The following CUBN variants were observed in gnomAD, a reference collection of about 807,000 sequenced individuals.
CUBN encodes cubilin.
Under a neutral mutation model 405.3 loss-of-function variants are expected in CUBN, and 282 were observed. The observed-to-expected ratio is 0.70, with a 90% CI of 0.63 to 0.77. The LOEUF (loss-of-function observed/expected upper bound fraction) is 0.77. Among genes scored for constraint, CUBN ranks in the 30% least tolerant of loss-of-function variants. The probability of loss-of-function intolerance (pLI) is 0.00; values close to 1 mark genes in which losing one functional copy is unlikely to be tolerated. For missense variants in CUBN, 4,514 were observed against 4,475.2 expected, an observed-to-expected ratio of 1.01 and a Z score of -0.25; for synonymous variants, 1,684 against 1,617.0, an observed-to-expected ratio of 1.04 and a Z score of -0.99.
At chr10:16,902,014 C>T (rs1167443277) in intron 51 of CUBN, among the ~76,000 whole-genome samples, 2 of 96,072 alleles carry the variant, frequency 2.1e-5, no homozygotes, top group Non-Finnish European at 4.0e-5. Context: ...TATACACACA[C>T]ACCATATATA....
chr10:17,101,793 G>A (rs992611075), intron 13 of CUBN, among the ~76,000 whole-genome samples: 1 of 152,048 alleles, frequency 6.6e-6, no homozygotes, highest in South Asian at 2.1e-4. Flanking sequence ...TGCCACTTTC[G>A]AACCACATGC....
chr10:17,014,682 C>T (rs972707090), intron 28 of CUBN, among the ~76,000 whole-genome samples: 1 of 152,170 alleles, frequency 6.6e-6, no homozygotes, highest in Admixed American at 6.5e-5. Flanking sequence ...TCTAGAGTCG[C>T]CTGCTGGGAT....
rs760623403 is a variant in CUBN, at chr10:16,952,282, G to T, written c.4963C>A (p.Pro1655Thr). The change falls in exon 33 of 67, where the codon CCT becomes ACT. Residue 1655 changes from proline (P) to threonine (T), a missense_variant. Transcript: ENST00000377833. ...TTTCATTTTTGTTACTTACATGGAGGTTGCGCTTGAATGATCCAGCTGCAG... is the reference window on the plus strand; with the variant it reads ...TTTCATTTTTGTTACTTACATGGAGTTTGCGCTTGAATGATCCAGCTGCAG... Reference protein sequence around the residue: ...QNCSWIIQAQPPLNHITLSFT... With the variant: ...QNCSWIIQAQTPLNHITLSFT... The T allele has an allele frequency of 1.2e-5, 20 of 1,610,600 alleles. No homozygotes were observed. In the South Asian group the frequency reaches 2.2e-4, roughly 18 times the overall value.
chr10:16,958,392 G>A (rs1215774981), intron 31 of CUBN, among the ~76,000 whole-genome samples: 1 of 152,148 alleles, frequency 6.6e-6, no homozygotes, highest in African/African-American at 2.4e-5. Flanking sequence ...CAGGCATGGT[G>A]GTGGGCACCT....
At chr10:16,942,628 C>T (rs560903842) in intron 36 of CUBN, among the ~76,000 whole-genome samples, 114 of 152,206 alleles carry the variant, frequency 7.5e-4, no homozygotes, top group Admixed American at 3.0e-3. Flanking sequence ...GCATTACTAA[C>T]GGGAATGTAA....
intron 31 of CUBN, among the ~76,000 whole-genome samples, chr10:16,968,250 G>T (rs191783694): frequency 2.6e-5 from 4 of 151,998 alleles, no homozygotes; most frequent in Non-Finnish European, 5.9e-5. Context: ...TATCTGCCCT[G>T]TTCCACCCTG....
At chr10:17,019,489 G>C (rs1056140669) in intron 28 of CUBN, among the ~76,000 whole-genome samples, 4 of 152,050 alleles carry the variant, frequency 2.6e-5, no homozygotes, top group Non-Finnish European at 4.4e-5. Context: ...CATTGCACCT[G>C]AGATACTCCC....
At chr10:16,859,643 T>C (rs1004615314) in intron 59 of CUBN, among the ~76,000 whole-genome samples, 6 of 152,104 alleles carry the variant, frequency 3.9e-5, no homozygotes, top group African/African-American at 1.4e-4. Flanking sequence ...CCACAGAATT[T>C]AAGAAAATCA....
At chr10:16,871,826 A>G (rs1363175630) in intron 58 of CUBN, among the ~76,000 whole-genome samples, 1 of 152,172 alleles carries the variant, frequency 6.6e-6, no homozygotes, top group Non-Finnish European at 1.5e-5. Flanking sequence ...TGTAACCACA[A>G]TCTTTTGAGA....
At chr10:16,889,115 C>T (rs973677739) in intron 55 of CUBN, among the ~76,000 whole-genome samples, 1 of 152,200 alleles carries the variant, frequency 6.6e-6, no homozygotes, top group African/African-American at 2.4e-5. Flanking sequence ...TATCTTTTCA[C>T]CACTAAAATG....
intron 59 of CUBN, among the ~76,000 whole-genome samples, chr10:16,865,301 G>A (rs932050180): frequency 1.3e-5 from 2 of 152,100 alleles, no homozygotes; most frequent in South Asian, 4.1e-4. Context: ...TTGTTGGACT[G>A]TAATTCATTC....
rs757571855 is a variant in CUBN, at chr10:16,888,476, A to T, written c.8846T>A (p.Val2949Asp). The T allele has an allele frequency of 6.2e-7, 1 of 1,613,026 alleles. No individual in the cohort carries two copies. Among genetic ancestry groups the T allele is most frequent in the South Asian group, 1.1e-5 (1 of 91,066 alleles). ...CACTGACAGAGGATTAGCCTCTATG[A>T]CATAGGTGCAATTCATGTTGTTGTC... ...QYDNNMNCTYVIEANPLSVVL... is the reference protein window; with the variant it reads ...QYDNNMNCTYDIEANPLSVVL... The change falls in exon 56 of 67, where the codon GTC becomes GAC. Residue 2949 changes from valine (V) to aspartate (D), a missense_variant. Val to Asp is a radical substitution (Grantham distance 152). Coordinates refer to ENST00000377833, the MANE Select transcript of CUBN (RefSeq NM_001081.4).
intron 41 of CUBN, among the ~76,000 whole-genome samples, chr10:16,926,805 TTTTTTCTA>T (rs1196429505): frequency 4.7e-5 from 5 of 105,482 alleles, no homozygotes; most frequent in African/African-American, 1.9e-4. Flanking sequence ...GGTGAAATTT[TTTTTTCTA>T]TCTATCTATC....
At chr10:17,078,364 T>C (rs1835895630) in intron 17 of CUBN, among the ~76,000 whole-genome samples, 1 of 152,104 alleles carries the variant, frequency 6.6e-6, no homozygotes, top group African/African-American at 2.4e-5. Context: ...CTACCTGGAG[T>C]CCTCCTTCTC....
chr10:16,906,453 G>C (rs765674493), intron 49 of CUBN, 44 bp from the exon 50 acceptor site: 5 of 1,326,158 alleles, frequency 3.8e-6, no homozygotes, highest in Admixed American at 1.7e-5. Context: ...GTAAGATTCA[G>C]GCCACAACGG....
intron 49 of CUBN, among the ~76,000 whole-genome samples, chr10:16,907,081 CT>C (rs1841574361): frequency 6.6e-6 from 1 of 152,190 alleles, no homozygotes; most frequent in South Asian, 2.1e-4. Context: ...TTTATTTTCA[CT>C]GGAAATATGT....
At position 16,946,490 on chromosome 10, in the gene CUBN, CTTTTTTTT is replaced by C. The variant is rs775415655; in HGVS notation, c.5342+737_5342+744del. Among the ~76,000 whole-genome samples, 3 of 121,074 alleles carry C rather than the reference CTTTTTTTT, an allele frequency of 2.5e-5. No homozygotes were observed. The Admixed American group carries it at 2.6e-4, about 10-fold the overall frequency. The allele number at this position is 121,074 out of a possible 152,430, so 79.4% of individuals were successfully genotyped here. ...GTTAAAAAAACTTCCAAAACCATTCCTTTTTTTTTTTTTTTTTTTTTTTAAGATGGAGT... is the reference window on the plus strand; with the variant it reads ...GTTAAAAAAACTTCCAAAACCATTCCTTTTTTTTTTTTTTTAAGATGGAGT... On this transcript the variant is annotated intron_variant, in intron 36 of 66. Transcript: ENST00000377833.
In CUBN at chr10:16,878,608, C is replaced by T. The variant is rs541864472; in HGVS notation, c.8906-1511G>A. ...CAAATGATCCCTAGATTGGTGTTGC[C>T]GACTTACTCTCCCACAACATTTTTG... On this transcript the variant is annotated intron_variant, in intron 56 of 66. Coordinates refer to ENST00000377833, the MANE Select transcript of CUBN (RefSeq NM_001081.4). Among the ~76,000 whole-genome samples the T allele has an allele frequency of 9.9e-5, 15 of 152,198 alleles. No individual in the cohort carries two copies. In the East Asian group the frequency reaches 1.4e-3, roughly 14 times the overall value.
chr10:17,117,952 C>T (rs1436574501), intron 6 of CUBN, among the ~76,000 whole-genome samples: 1 of 152,148 alleles, frequency 6.6e-6, no homozygotes, highest in Non-Finnish European at 1.5e-5. Flanking sequence ...AGGCATTCCC[C>T]TGTAGCAAGT....
Sources: gnomAD v4.1 joint callset for allele counts (sites outside exome capture counted in the v4.1 genomes callset) on GRCh38, gnomAD v4.1.1 for gene constraint, MANE v1.5 for transcripts, NCBI Gene and HGNC (gene_info 2026-07-23, HGNC 2026-07-21) for gene names.